PLEKHM2: variants seen among roughly 807,000 people sequenced by gnomAD.
PLEKHM2 encodes the protein pleckstrin homology domain-containing family M member 2.
PLEKHM2 carries 77 observed loss-of-function variants against 116.3 expected under a neutral mutation model. That is an observed-to-expected ratio of 0.66 (90% CI 0.55 to 0.80). The LOEUF (loss-of-function observed/expected upper bound fraction) is 0.80. Among genes scored for constraint, PLEKHM2 ranks in the 30% least tolerant of loss-of-function variants. PLEKHM2 has a pLI of 0.00. For missense variants in PLEKHM2, 1,183 were observed against 1,354.9 expected (o/e 0.87, Z 1.99); for synonymous variants, 562 against 571.0 (o/e 0.98, Z 0.22).
chr1:15,683,319 G>A (rs12760698), upstream of PLEKHM2, among the ~76,000 whole-genome samples: 53,410 of 151,608 alleles, frequency 0.35, 11,919 homozygotes, highest in African/African-American at 0.63. Flanking sequence ...CATTGAGGGG[G>A]TGGCTGGGCT....
chr1:15,691,144 A>AACTC (rs1253782243), intron 1 of PLEKHM2, among the ~76,000 whole-genome samples: 2 of 152,296 alleles, frequency 1.3e-5, no homozygotes, highest in African/African-American at 4.8e-5. Context: ...ATCATGGCTC[A>AACTC]CTGTAGCCTT....
intron 1 of PLEKHM2, among the ~76,000 whole-genome samples, chr1:15,688,265 G>A (rs886468236): frequency 1.2e-4 from 18 of 152,178 alleles, no homozygotes; most frequent in African/African-American, 3.4e-4. Context: ...TAATCCATCT[G>A]AATCCAAGGC....
chr1:15,712,227 C>T (rs1340666333), intron 1 of PLEKHM2, among the ~76,000 whole-genome samples: 18 of 151,922 alleles, frequency 1.2e-4, no homozygotes, highest in Middle Eastern at 3.4e-3. Context: ...AAGAGAAACA[C>T]GTGGCTAATA....
intron 1 of PLEKHM2, among the ~76,000 whole-genome samples, chr1:15,690,066 T>G (rs932448335): frequency 6.8e-6 from 1 of 147,960 alleles, no homozygotes; most frequent in Non-Finnish European, 1.5e-5. Context: ...GAGGTTTTTT[T>G]TTTTTTTGTT....
chr1:15,713,336 G>A lies in PLEKHM2; in HGVS notation c.61-2901G>A, dbSNP rs141741539. On this transcript the variant is annotated intron_variant, in intron 1 of 19. Coordinates refer to ENST00000375799, the MANE Select transcript of PLEKHM2 (RefSeq NM_015164.4). ...TACAGGAAAAGAGTTGGGGGGATAC[G>A]TGCACACCAAGCTGTTGGCAATAGT... Among the ~76,000 whole-genome samples, 819 of 151,834 alleles carry A rather than the reference G, an allele frequency of 5.4e-3. 15 individuals carry two copies. Among genetic ancestry groups the A allele is most frequent in the African/African-American group, 0.019 (771 of 41,370 alleles).
rs924576689 is a variant in PLEKHM2 at position 15,729,587 on chromosome 1, C to T, written c.2076-210C>T. 7.9e-5 allele frequency among the ~76,000 whole-genome samples: 12 copies of T among 152,192 alleles called. No individual in the cohort carries two copies. Among genetic ancestry groups the T allele is most frequent in the African/African-American group, 2.9e-4 (12 of 41,442 alleles). ...ACTGTCAAAATCCAAGGCCCCTTGGCCATTGAGAACGATCAGGCCTGTTCC... is the reference window on the plus strand; with the variant it reads ...ACTGTCAAAATCCAAGGCCCCTTGGTCATTGAGAACGATCAGGCCTGTTCC... On this transcript the variant is annotated intron_variant, in intron 13 of 19. Transcript: ENST00000375799. This position sits in a 1 kb window ranked among gnomAD's most constrained non-coding sequence, Gnocchi z 4.7.
intron 1 of PLEKHM2, among the ~76,000 whole-genome samples, chr1:15,688,767 G>A (rs964116019): frequency 2.0e-5 from 3 of 152,070 alleles, no homozygotes; most frequent in East Asian, 1.9e-4. Context: ...TGTGGTTGCC[G>A]ATTTGTTAAA....
intron 1 of PLEKHM2, among the ~76,000 whole-genome samples, chr1:15,705,044 C>T (rs960380280): frequency 3.9e-5 from 6 of 152,024 alleles, no homozygotes; most frequent in East Asian, 3.9e-4. Flanking sequence ...GCAGCCCTGG[C>T]GGCTCAGTAC....
chr1:15,683,537 C>T (rs918234830), upstream of PLEKHM2, among the ~76,000 whole-genome samples: 10 of 135,094 alleles, frequency 7.4e-5, no homozygotes, highest in Admixed American at 1.5e-4. Context: ...CCTGTGGGGT[C>T]GGAGTCTCCA....
At chr1:15,699,630 G>A (rs1309231162) in intron 1 of PLEKHM2, among the ~76,000 whole-genome samples, 6 of 152,038 alleles carry the variant, frequency 3.9e-5, no homozygotes, top group Non-Finnish European at 1.5e-5. Flanking sequence ...ATTTGCTATT[G>A]TGAATAGTGC....
At position 15,729,268 on chromosome 1, in the gene PLEKHM2, G is replaced by A. The variant is rs180737166; in HGVS notation, c.2075+78G>A. On this transcript the variant is annotated intron_variant, in intron 13 of 19. Transcript: ENST00000375799. This position sits in a 1 kb window ranked among gnomAD's most constrained non-coding sequence, Gnocchi z 4.7. ...TAGGTGTGGGTGGCCTGGGGGTCAG[G>A]GGTGGAGGTGGAAAGTGGGAGATCC... The A allele has an allele frequency of 2.1e-5, 26 of 1,210,268 alleles. No individual in the cohort carries two copies. In the Admixed American group the frequency reaches 4.9e-4, roughly 23 times the overall value. The allele number at this position is 1,210,268 out of a possible 1,614,324, so 75.0% of individuals were successfully genotyped here.
At chr1:15,713,613 CTGTTTTTTGTTTGTTTGTT>C (rs1197366777) in intron 1 of PLEKHM2, among the ~76,000 whole-genome samples, 1 of 150,918 alleles carries the variant, frequency 6.6e-6, no homozygotes, top group Non-Finnish European at 1.5e-5. Context: ...GAATAATATT[CTGTTTTTTGTTTGTTTGTT>C]TGTTTTTTGT....
intron 1 of PLEKHM2, among the ~76,000 whole-genome samples, chr1:15,689,566 C>T (rs536763204): frequency 1.7e-4 from 26 of 152,274 alleles, no homozygotes; most frequent in African/African-American, 6.0e-4. Context: ...GACCACTGTT[C>T]GCATCAGCAG....
At chr1:15,687,364 C>T (rs1376762891) in intron 1 of PLEKHM2, among the ~76,000 whole-genome samples, 3 of 151,426 alleles carry the variant, frequency 2.0e-5, no homozygotes, top group Non-Finnish European at 2.9e-5. Flanking sequence ...TTAGTAGAGA[C>T]GGGGTTTCAC....
intron 15 of PLEKHM2, 96 bp from the exon 16 acceptor site, chr1:15,731,096 G>A (rs1406298626): frequency 9.1e-6 from 8 of 880,658 alleles, no homozygotes; most frequent in Non-Finnish European, 1.5e-5. Context: ...GTTCATGGCC[G>A]CAGCATGTGC....
At chr1:15,695,514 GTTTTTTGGGGT>G (rs1000134953) in intron 1 of PLEKHM2, among the ~76,000 whole-genome samples, 1 of 152,042 alleles carries the variant, frequency 6.6e-6, no homozygotes, top group Non-Finnish European at 1.5e-5. Context: ...GGCACTTTGG[GTTTTTTGGGGT>G]TTTTTTGGAC....
In PLEKHM2 at chr1:15,728,269, G is replaced by T. The variant is rs758944920; in HGVS notation, c.1833G>T (p.Met611Ile). The T allele has an allele frequency of 3.1e-6, 5 of 1,613,186 alleles. No individual in the cohort carries two copies. The highest frequency in any genetic ancestry group is 4.2e-6 in the Non-Finnish European group (5 of 1,179,812). ...FRENEEQLFKMIRMSTGHMEG... is the reference protein window; with the variant it reads ...FRENEEQLFKIIRMSTGHMEG... ...CCCTTGTCTGCTTCGGCCCCCAGAT[G>T]ATCCGGATGAGCACCGGGCACATGG... The change falls in exon 11 of 20, where the codon ATG becomes ATT. Residue 611 changes from methionine (M) to isoleucine (I), a missense_variant and splice_region_variant. Physicochemically the swap from Met to Ile is conservative, Grantham distance 10. Around this residue, in one of 3 missense-constraint regions of PLEKHM2, gnomAD observed 594 missense variants for 720.1 expected, o/e 0.82. Coordinates refer to ENST00000375799, the MANE Select transcript of PLEKHM2 (RefSeq NM_015164.4). The surrounding 1 kb of genome is among the most constrained non-coding windows in gnomAD (Gnocchi z 5.9).
Position 15,727,184 on chromosome 1 carries a change from C to G in PLEKHM2, c.1112C>G (p.Ser371Cys). 1 of 1,603,984 alleles carries G rather than the reference C, an allele frequency of 6.2e-7. No individual in the cohort carries two copies. Among genetic ancestry groups the G allele is most frequent in the Non-Finnish European group, 8.5e-7 (1 of 1,175,302 alleles). The change falls in exon 9 of 20, where the codon TCC becomes TGC. Residue 371 changes from serine (S) to cysteine (C), a missense_variant. Transcript: ENST00000375799. This position sits in a 1 kb window ranked among gnomAD's most constrained non-coding sequence, Gnocchi z 7.5. ...GACTCGCCAGACACTATGCTTGCCT[C>G]CCCCCAGGAGGAGGGAGAGGGGCCG... ...GRDSPDTMLA[S>C]PQEEGEGPSS... is the part of the protein sequence containing the mutation.
rs376029514 is a variant in PLEKHM2 at position 15,727,365 on chromosome 1, G to A, written c.1293G>A (p.Glu431=). The part of the protein sequence containing the change: ...LDPSTWCSRA[E]PPDQSFRTGS... ...CCAGCACCTGGTGCTCCCGTGCTGA[G>A]CCCCCAGACCAGTCCTTTCGGACCG... is the stretch of plus-strand genomic sequence containing the variant. Residue 431 remains glutamate, a synonymous_variant, in exon 9 of 20, where the codon GAG becomes GAA. Transcript: ENST00000375799. This position sits in a 1 kb window ranked among gnomAD's most constrained non-coding sequence, Gnocchi z 7.5. The A allele has an allele frequency of 9.6e-5, 153 of 1,600,888 alleles. No individual in the cohort carries two copies. Among genetic ancestry groups the A allele is most frequent in the Non-Finnish European group, 1.2e-4 (142 of 1,174,686 alleles).
Sources: allele counts gnomAD v4.1 joint callset (sites outside exome capture counted in the v4.1 genomes callset), GRCh38; gene constraint gnomAD v4.1.1; regional missense constraint gnomAD v4.1.1; non-coding constraint Gnocchi (gnomAD v3.1); transcripts MANE v1.5; gene names NCBI Gene and HGNC (gene_info 2026-07-23, HGNC 2026-07-21).